Variants in ENTHD1 observed in about 807,000 individuals in gnomAD.
ENTHD1 encodes ENTH domain containing 1.
A neutral mutation model predicts 39.1 loss-of-function variants in ENTHD1; 23 were observed. The ratio of observed to expected loss-of-function variants is 0.59; its 90% CI spans 0.42 to 0.83. The LOEUF (loss-of-function observed/expected upper bound fraction) is 0.83, where lower values mean the gene tolerates loss of function less well. Among genes scored for constraint, ENTHD1 ranks in the 40% least tolerant of loss-of-function variants. ENTHD1 has a pLI of 0.00. For missense variants in ENTHD1, 624 were observed against 705.4 expected (o/e 0.88, Z 1.31); for synonymous variants, 230 against 258.2 (o/e 0.89, Z 1.05).
chr22:39,845,758 C>T (rs1347424651), intron 3 of ENTHD1, among the ~76,000 whole-genome samples: 2 of 151,998 alleles, frequency 1.3e-5, no homozygotes, highest in African/African-American at 2.4e-5. Context: ...TTCATATTTG[C>T]TTCCTCTTTT....
chr22:39,824,539 G>A (rs2065812027), intron 4 of ENTHD1, among the ~76,000 whole-genome samples: 1 of 151,976 alleles, frequency 6.6e-6, no homozygotes, highest in Non-Finnish European at 1.5e-5. Context: ...TTTTTCTCCT[G>A]TATTTTCTAA....
chr22:39,757,419 C>G (rs2065193707), intron 6 of ENTHD1, among the ~76,000 whole-genome samples: 2 of 152,008 alleles, frequency 1.3e-5, no homozygotes, highest in Non-Finnish European at 2.9e-5. Context: ...ACAAGGTGTG[C>G]ACCACCATGC....
chr22:39,813,614 T>G (rs1442091463), intron 5 of ENTHD1, among the ~76,000 whole-genome samples: 1 of 152,176 alleles, frequency 6.6e-6, no homozygotes, highest in African/African-American at 2.4e-5. Context: ...ACATTAAGCC[T>G]CTATCTTAAT....
At chr22:39,889,766 A>G (rs1203453259) in intron 1 of ENTHD1, among the ~76,000 whole-genome samples, 1 of 152,134 alleles carries the variant, frequency 6.6e-6, no homozygotes, top group Non-Finnish European at 1.5e-5. Context: ...TTTGGTAAAA[A>G]TACAACACAC....
At chr22:39,890,840 G>A (rs1326107838) in intron 1 of ENTHD1, among the ~76,000 whole-genome samples, 1 of 152,186 alleles carries the variant, frequency 6.6e-6, no homozygotes, top group East Asian at 1.9e-4. Context: ...TTTACCTTGT[G>A]ATATGAACGT....
intron 5 of ENTHD1, among the ~76,000 whole-genome samples, chr22:39,766,019 CAAAAA>C (rs11367784): frequency 1.8e-3 from 88 of 48,346 alleles, no homozygotes; most frequent in African/African-American, 3.7e-3. Context: ...CCCTCAGCTA[CAAAAA>C]AAAAAAAAAA....
chr22:39,880,581 AG>A (rs1295081399), intron 2 of ENTHD1, among the ~76,000 whole-genome samples: 1 of 152,162 alleles, frequency 6.6e-6, no homozygotes, highest in Non-Finnish European at 1.5e-5. Flanking sequence ...ACAGGGGAAG[AG>A]GGTATTTGGG....
At chr22:39,890,124 AAATAAAT>A (rs1164579757) in intron 1 of ENTHD1, among the ~76,000 whole-genome samples, 2 of 150,256 alleles carry the variant, frequency 1.3e-5, no homozygotes, top group East Asian at 3.9e-4. Context: ...ATAAATAAAT[AAATAAAT>A]AAATAAATAA....
At chr22:39,791,269 CTATA>C (rs1031911023) in intron 5 of ENTHD1, among the ~76,000 whole-genome samples, 3 of 146,586 alleles carry the variant, frequency 2.0e-5, no homozygotes, top group Non-Finnish European at 4.5e-5. Context: ...ATAGTCTAGA[CTATA>C]TATAGTTTTA....
At chr22:39,749,511 G>A (rs1299484684) in intron 6 of ENTHD1, among the ~76,000 whole-genome samples, 1 of 152,150 alleles carries the variant, frequency 6.6e-6, no homozygotes, top group Non-Finnish European at 1.5e-5. Context: ...AAAATAAACT[G>A]AGAAATTTCT....
intron 2 of ENTHD1, among the ~76,000 whole-genome samples, chr22:39,884,562 A>G (rs1187599637): frequency 2.0e-5 from 3 of 152,108 alleles, no homozygotes; most frequent in Non-Finnish European, 4.4e-5. Context: ...AAAAAAAAAA[A>G]AGCTTATGAA....
At chr22:39,836,992 A>G (rs2065911872) in intron 3 of ENTHD1, among the ~76,000 whole-genome samples, 1 of 152,200 alleles carries the variant, frequency 6.6e-6, no homozygotes, top group African/African-American at 2.4e-5. Flanking sequence ...GTAGTCCTTT[A>G]TAGCAATTTG....
intron 3 of ENTHD1, among the ~76,000 whole-genome samples, chr22:39,845,311 A>G (rs1182904016): frequency 1.3e-5 from 2 of 152,226 alleles, no homozygotes; most frequent in Non-Finnish European, 2.9e-5. Flanking sequence ...AGCCAGTCCA[A>G]GGTCATACAA....
At chr22:39,847,529 TAAAA>T (rs2066000271) in intron 3 of ENTHD1, among the ~76,000 whole-genome samples, 1 of 149,032 alleles carries the variant, frequency 6.7e-6, no homozygotes, top group South Asian at 2.1e-4. Context: ...TAATAATAAA[TAAAA>T]ATAAAAAAAT....
Position 39,887,715 on chromosome 22 carries a change from T to C in ENTHD1, c.34A>G (p.Lys12Glu). 6.3e-7 allele frequency: 1 copy of C among 1,585,704 alleles called. No homozygotes were observed. Among genetic ancestry groups the C allele is most frequent in the East Asian group, 2.2e-5 (1 of 44,672 alleles). The change falls in exon 2 of 7, where the codon AAA becomes GAA. Residue 12 changes from lysine (K) to glutamate (E), a missense_variant. Physicochemically the swap from Lys to Glu is moderately conservative, Grantham distance 56. Transcript: ENST00000325157. ...TTTATTTCAGCATCTGAGTAATTTT[T>C]CACAAAGTTTTTCACTTGTCTCCTG... Reference protein sequence around the residue: ...AFRRQVKNFVKNYSDAEIKVR... With the variant: ...AFRRQVKNFVENYSDAEIKVR...
At chr22:39,750,764 C>T (rs2065141622) in intron 6 of ENTHD1, 1 of 153,526 alleles carries the variant, frequency 6.5e-6, no homozygotes, top group Admixed American at 6.5e-5. Context: ...TAATAAAAAT[C>T]AGTTTCCAAG....
At chr22:39,774,067 C>T (rs150669775) in intron 5 of ENTHD1, among the ~76,000 whole-genome samples, 2,183 of 152,284 alleles carry the variant, frequency 0.014, 76 homozygotes, top group Admixed American at 0.084. Flanking sequence ...GAGACATAGA[C>T]AGAACCAGGG....
chr22:39,745,020 T>C (rs6001669), intron 6 of ENTHD1, among the ~76,000 whole-genome samples: 39 of 152,334 alleles, frequency 2.6e-4, no homozygotes, highest in African/African-American at 9.4e-4. Context: ...AAACACTGTG[T>C]TCCTTCAGAT....
chr22:39,814,364 G>A (rs577830625), intron 5 of ENTHD1, among the ~76,000 whole-genome samples: 1 of 151,964 alleles, frequency 6.6e-6, no homozygotes, highest in South Asian at 2.1e-4. Flanking sequence ...GGAGGCTGAG[G>A]TGGGAGAATC....
Sources: gnomAD v4.1 joint callset for allele counts (sites outside exome capture counted in the v4.1 genomes callset) on GRCh38, gnomAD v4.1.1 for gene constraint, MANE v1.5 for transcripts, NCBI Gene and HGNC (gene_info 2026-07-23, HGNC 2026-07-21) for gene names.